Variants in RIMS1 observed in about 807,000 individuals in gnomAD.
RIMS1 encodes the protein regulating synaptic membrane exocytosis protein 1.
In RIMS1, 83 loss-of-function variants were observed where a neutral mutation model predicts 214.1. The observed-to-expected ratio is 0.39, with a 90% CI of 0.32 to 0.47. RIMS1 has a LOEUF of 0.47. Among genes scored for constraint, RIMS1 ranks in the 20% least tolerant of loss-of-function variants. The pLI is 0.99. For missense variants in RIMS1, 2,050 were observed against 2,161.8 expected (o/e 0.95, Z 1.03); for synonymous variants, 793 against 786.8 (o/e 1.01, Z -0.13).
intron 2 of RIMS1, 142 bp from the exon 3 acceptor site, chr6:72,096,807 G>T (rs1442154872): frequency 2.9e-6 from 2 of 696,396 alleles, no homozygotes; most frequent in Non-Finnish European, 4.9e-6. Flanking sequence ...GGTAAGGTTA[G>T]TGGGGAAAAT....
At chr6:72,222,975 G>T (rs1380230463) in intron 6 of RIMS1, among the ~76,000 whole-genome samples, 1 of 152,136 alleles carries the variant, frequency 6.6e-6, no homozygotes, top group Non-Finnish European at 1.5e-5. Flanking sequence ...GTATTTGTTT[G>T]TTTAGGTTTC....
At chr6:72,059,342 T>C (rs1827220430) in intron 2 of RIMS1, among the ~76,000 whole-genome samples, 1 of 152,180 alleles carries the variant, frequency 6.6e-6, no homozygotes, top group South Asian at 2.1e-4. Context: ...TCCTCCCTCC[T>C]CTGCCTCCTG....
At chr6:72,306,961 G>C (rs2095233059) in intron 26 of RIMS1, among the ~76,000 whole-genome samples, 1 of 152,012 alleles carries the variant, frequency 6.6e-6, no homozygotes, top group Non-Finnish European at 1.5e-5. Flanking sequence ...ATTAAATTTG[G>C]TTTCGCATAA....
At chr6:72,069,831 T>C (rs1035917742) in intron 2 of RIMS1, among the ~76,000 whole-genome samples, 10 of 152,210 alleles carry the variant, frequency 6.6e-5, no homozygotes, top group African/African-American at 2.2e-4. Flanking sequence ...CTCCTATCCA[T>C]GCAAGCATTC....
chr6:72,331,067 A>C (rs1231240698), intron 28 of RIMS1, among the ~76,000 whole-genome samples: 1 of 151,738 alleles, frequency 6.6e-6, no homozygotes, highest in Non-Finnish European at 1.5e-5. Flanking sequence ...TATTTGTCAA[A>C]ATTGTAGAAT....
chr6:72,278,763 ATG>A (rs999054389), intron 23 of RIMS1, among the ~76,000 whole-genome samples: 1 of 152,074 alleles, frequency 6.6e-6, no homozygotes, highest in Non-Finnish European at 1.5e-5. Flanking sequence ...AGGAAGGTAA[ATG>A]TATCTTAATT....
chr6:72,227,088 G>C (rs2154067105), intron 6 of RIMS1, among the ~76,000 whole-genome samples: 1 of 152,058 alleles, frequency 6.6e-6, no homozygotes, highest in South Asian at 2.1e-4. Flanking sequence ...GGAGTACAAA[G>C]TTCTTTTTAC....
intron 6 of RIMS1, among the ~76,000 whole-genome samples, chr6:72,204,483 T>C (rs1389391482): frequency 1.3e-5 from 2 of 152,236 alleles, no homozygotes; most frequent in African/African-American, 4.8e-5. Flanking sequence ...TATTTCACAC[T>C]TACCATACAC....
chr6:72,176,053 A>C (rs1383532056), intron 4 of RIMS1, among the ~76,000 whole-genome samples: 1 of 152,240 alleles, frequency 6.6e-6, no homozygotes, highest in Non-Finnish European at 1.5e-5. Context: ...TGGTGTTTCA[A>C]AAGTCATGTA....
At chr6:71,954,479 G>A (rs1790580300) in intron 1 of RIMS1, among the ~76,000 whole-genome samples, 1 of 151,984 alleles carries the variant, frequency 6.6e-6, no homozygotes, top group Non-Finnish European at 1.5e-5. Context: ...CTGTTTCTTA[G>A]CTTTAACTGT....
chr6:71,946,902 T>G (rs755787813), intron 1 of RIMS1, among the ~76,000 whole-genome samples: 1 of 152,086 alleles, frequency 6.6e-6, no homozygotes, highest in Non-Finnish European at 1.5e-5. Flanking sequence ...GATAAGAGGT[T>G]AGTATCCAAA....
chr6:71,918,139 T>C (rs1050384895), intron 1 of RIMS1, among the ~76,000 whole-genome samples: 5 of 152,062 alleles, frequency 3.3e-5, no homozygotes, highest in African/African-American at 7.2e-5. Context: ...CCACGGAACT[T>C]GAATTAGATC....
chr6:72,248,508 T>C (rs188450707), intron 12 of RIMS1, among the ~76,000 whole-genome samples: 1 of 152,290 alleles, frequency 6.6e-6, no homozygotes, highest in African/African-American at 2.4e-5. Flanking sequence ...AGAGCCTAAA[T>C]TTGGAATATT....
At chr6:72,306,900 CTATA>C (rs1415883728) in intron 26 of RIMS1, among the ~76,000 whole-genome samples, 3 of 152,170 alleles carry the variant, frequency 2.0e-5, no homozygotes, top group Middle Eastern at 3.4e-3. Context: ...CTTGTTTTCT[CTATA>C]TATGTACATG....
At chr6:72,038,043 G>T (rs1420921166) in intron 2 of RIMS1, among the ~76,000 whole-genome samples, 1 of 131,496 alleles carries the variant, frequency 7.6e-6, no homozygotes, top group East Asian at 2.4e-4. Context: ...CTCTTTGGAG[G>T]TATGGGGAGA....
intron 4 of RIMS1, among the ~76,000 whole-genome samples, chr6:72,115,133 C>T (rs1356230191): frequency 2.0e-5 from 3 of 151,890 alleles, no homozygotes; most frequent in Admixed American, 2.0e-4. Flanking sequence ...ACTTCTTGGT[C>T]AGTGATTTAT....
In RIMS1 at chr6:71,887,008, C is replaced by A. The variant is rs773439361; in HGVS notation, c.-16C>A. On this transcript the variant is annotated 5_prime_UTR_variant, in exon 1 of 34. Coordinates refer to ENST00000521978, the MANE Select transcript of RIMS1 (RefSeq NM_014989.7). ...AGAGCCAGAGAGCGAGCAGAGGGGGCGGGCAGGCCACGAAAATGTCCTCGG... is the reference window on the plus strand; with the variant it reads ...AGAGCCAGAGAGCGAGCAGAGGGGGAGGGCAGGCCACGAAAATGTCCTCGG... 6.2e-7 allele frequency: 1 copy of A among 1,609,394 alleles called. No homozygotes were observed. Among genetic ancestry groups the A allele is most frequent in the East Asian group, 2.2e-5 (1 of 44,764 alleles).
intron 2 of RIMS1, among the ~76,000 whole-genome samples, chr6:71,978,923 A>G (rs1341013830): frequency 6.6e-6 from 1 of 152,170 alleles, no homozygotes; most frequent in Non-Finnish European, 1.5e-5. Flanking sequence ...AGGAACACTG[A>G]CATTTCCAAT....
At chr6:71,903,638 A>G (rs1053972273) in intron 1 of RIMS1, among the ~76,000 whole-genome samples, 4 of 152,124 alleles carry the variant, frequency 2.6e-5, no homozygotes, top group African/African-American at 7.2e-5. Context: ...GTCTACAAGG[A>G]ATGTAAACAA....
Sources: gnomAD v4.1 joint callset for allele counts (sites outside exome capture counted in the v4.1 genomes callset) on GRCh38, gnomAD v4.1.1 for gene constraint, MANE v1.5 for transcripts, NCBI Gene and HGNC (gene_info 2026-07-23, HGNC 2026-07-21) for gene names.